The following NID1 variants were observed in gnomAD, a reference collection of about 807,000 sequenced individuals.
NID1 encodes the protein nidogen 1.
In NID1, 76 loss-of-function variants were observed where a neutral mutation model predicts 130.6. The ratio of observed to expected loss-of-function variants is 0.58; its 90% CI spans 0.48 to 0.70. The LOEUF is 0.70. Ranked by LOEUF, NID1 falls within the 30% of genes least tolerant of loss-of-function variation. The pLI is 0.00. For synonymous variants in NID1, 665 were observed against 675.1 expected (o/e 0.98, Z 0.23); for missense variants, 1,517 against 1,664.8 (o/e 0.91, Z 1.54).
chr1:236,000,130 CTT>C (rs1342600967), intron 12 of NID1, among the ~76,000 whole-genome samples: 1 of 152,168 alleles, frequency 6.6e-6, no homozygotes, highest in Non-Finnish European at 1.5e-5. Context: ...ACGAGAATCT[CTT>C]GAACCCAGGG....
Position 235,982,542 on chromosome 1 carries a change from T to C in NID1, c.3056-760A>G, listed in dbSNP as rs991642174. ...AAGGGGTACAAAGAAGGGGTGTCAG[T>C]GATTACAAATAACACCCCAGTCTTT... On this transcript the variant is annotated intron_variant, in intron 15 of 19. Coordinates refer to ENST00000264187, the MANE Select transcript of NID1 (RefSeq NM_002508.3). Among the ~76,000 whole-genome samples the C allele has an allele frequency of 1.2e-4, 18 of 152,280 alleles. No individual in the cohort carries two copies. In the East Asian group the frequency reaches 3.5e-3, roughly 29 times the overall value.
At position 236,042,173 on chromosome 1, in the gene NID1, T is replaced by C; in HGVS notation, c.872A>G (p.Asp291Gly). 1 of 1,613,988 alleles carries C rather than the reference T, an allele frequency of 6.2e-7. No individual in the cohort carries two copies. The highest frequency in any genetic ancestry group is 8.5e-7 in the Non-Finnish European group (1 of 1,180,000). ...LGTEDGAEYDDEDEDYDLATT... is the reference protein window; with the variant it reads ...LGTEDGAEYDGEDEDYDLATT... ...CGCCAGGTCATAATCTTCATCCTCA[T>C]CATCATACTCTGCCCCATCTTCAGT... is the stretch of plus-strand genomic sequence containing the variant. The change falls in exon 4 of 20, where the codon GAT becomes GGT. Residue 291 changes from aspartate (D) to glycine (G), a missense_variant. Physicochemically the swap from Asp to Gly is moderately conservative, Grantham distance 94. Around this residue, in one of 3 missense-constraint regions of NID1, gnomAD observed 1,329 missense variants for 1,429.2 expected, o/e 0.93. Coordinates refer to ENST00000264187, the MANE Select transcript of NID1 (RefSeq NM_002508.3).
chr1:236,024,031 G>T (rs755912370), intron 9 of NID1, 39 bp downstream of exon 9: 2 of 1,609,380 alleles, frequency 1.2e-6, no homozygotes, highest in East Asian at 4.5e-5. Context: ...CTCCTCGCCT[G>T]ATTTCCCAGC....
intron 12 of NID1, among the ~76,000 whole-genome samples, chr1:235,999,699 C>T (rs1477745798): frequency 6.6e-6 from 1 of 151,940 alleles, no homozygotes; most frequent in Non-Finnish European, 1.5e-5. Context: ...GGCAGGAAGT[C>T]TGGGGTGACT....
At position 235,993,499 on chromosome 1, in the gene NID1, A is replaced by T. The variant is rs542388096; in HGVS notation, c.2755+146T>A. On this transcript the variant is annotated intron_variant, in intron 13 of 19. Transcript: ENST00000264187. ...GGAGCGGGGTAAGTGAGAGGGAAGA[A>T]GGGTGCAGCAGGAGCGGGTGGGGCT... 28 of 697,600 alleles carry T rather than the reference A, an allele frequency of 4.0e-5. No individual in the cohort carries two copies. In the South Asian group the frequency reaches 5.2e-4, roughly 13 times the overall value. The allele number at this position is 697,600 out of a possible 1,614,324, so 43.2% of individuals were successfully genotyped here. A position where few individuals can be genotyped will look rare whatever the true frequency, so the allele number is the denominator to read the frequency against.
At chr1:236,012,082 C>T in intron 11 of NID1, 39 bp from the exon 12 acceptor site, 2 of 1,593,872 alleles carry the variant, frequency 1.3e-6, no homozygotes, top group South Asian at 1.1e-5. Context: ...AATGAGATTT[C>T]TTCTGGAATT....
intron 9 of NID1, among the ~76,000 whole-genome samples, chr1:236,023,176 T>G (rs1216731661): frequency 6.6e-6 from 1 of 152,132 alleles, no homozygotes; most frequent in Non-Finnish European, 1.5e-5. Context: ...CCCACGTTCA[T>G]AACAGCATTA....
Position 235,979,879 on chromosome 1 carries a change from T to C in NID1, c.3452A>G (p.Gln1151Arg). Residue 1151 changes from glutamine (Q) to arginine (R), a missense_variant, in exon 18 of 20, where the codon CAG (glutamine) becomes CGG (arginine). Coordinates refer to ENST00000264187, the MANE Select transcript of NID1 (RefSeq NM_002508.3). The surrounding 1 kb of genome is among the most constrained non-coding windows in gnomAD (Gnocchi z 4.6). ...GTAGCTCGTCACAGCAAAAGGATAC[T>C]GGAGCCCTTCGAGAGCCTTGCGTCT... ...PSRRKALEGL[Q>R]YPFAVTSYGK... is the part of the protein sequence containing the mutation. 6.2e-7 allele frequency: 1 copy of C among 1,614,152 alleles called. No homozygotes were observed. The highest frequency in any genetic ancestry group is 8.5e-7 in the Non-Finnish European group (1 of 1,179,984).
At chr1:236,058,413 T>C (rs1308844112) in intron 1 of NID1, among the ~76,000 whole-genome samples, 2 of 152,088 alleles carry the variant, frequency 1.3e-5, no homozygotes, top group Non-Finnish European at 2.9e-5. Context: ...GCATGTCAAT[T>C]AGATCACAAA....
chr1:236,026,666 C>T (rs1417750940), intron 7 of NID1, among the ~76,000 whole-genome samples: 1 of 152,090 alleles, frequency 6.6e-6, no homozygotes, highest in Non-Finnish European at 1.5e-5. Context: ...TGAGCATTTA[C>T]TCTGTCACAA....
chr1:236,061,513 C>A (rs1042318951), intron 1 of NID1, among the ~76,000 whole-genome samples: 1 of 152,058 alleles, frequency 6.6e-6, no homozygotes, highest in Non-Finnish European at 1.5e-5. Flanking sequence ...GTTTCCCAGG[C>A]TGAGTGCAAT....
intron 1 of NID1, among the ~76,000 whole-genome samples, chr1:236,060,025 A>C (rs931902801): frequency 6.7e-6 from 1 of 148,762 alleles, no homozygotes; most frequent in African/African-American, 2.5e-5. Context: ...GCTTGAACCC[A>C]GGAGGTGGAG....
chr1:236,038,183 C>G lies in NID1; in HGVS notation c.1206G>C (p.Glu402Asp). The change falls in exon 5 of 20, where the codon GAG becomes GAC. Residue 402 changes from glutamate (E) to aspartate (D), a missense_variant. Physicochemically the swap from Glu to Asp is conservative, Grantham distance 45. Transcript: ENST00000264187. ...NNRHQCSVHA[E>D]CRDYATGFCC... is the part of the protein sequence containing the mutation. ...AGAAGCCCGTGGCGTAGTCCCTGCA[C>G]TCTGCGTGCACCGAGCACTGGTGTC... The G allele has an allele frequency of 6.2e-7, 1 of 1,613,502 alleles. No homozygotes were observed. The highest frequency in any genetic ancestry group is 8.5e-7 in the Non-Finnish European group (1 of 1,179,498).
intron 16 of NID1, among the ~76,000 whole-genome samples, chr1:235,981,148 C>T (rs1657425031): frequency 6.6e-6 from 1 of 152,070 alleles, no homozygotes; most frequent in African/African-American, 2.4e-5. Flanking sequence ...GAACTAAGAG[C>T]CTGTTGTGTA....
At chr1:236,010,222 G>A (rs1484454214) in intron 12 of NID1, among the ~76,000 whole-genome samples, 1 of 151,804 alleles carries the variant, frequency 6.6e-6, no homozygotes, top group Non-Finnish European at 1.5e-5. Context: ...AGGAACAAAA[G>A]GTTGCCTTGC....
At chr1:236,037,062 C>T (rs974968063) in intron 5 of NID1, among the ~76,000 whole-genome samples, 1 of 152,116 alleles carries the variant, frequency 6.6e-6, no homozygotes, top group Admixed American at 6.6e-5. Context: ...ACCGAGTGAA[C>T]ATTACCAGGA....
At chr1:236,039,182 G>T (rs1659371668) in intron 4 of NID1, among the ~76,000 whole-genome samples, 1 of 143,338 alleles carries the variant, frequency 7.0e-6, no homozygotes, top group Non-Finnish European at 1.5e-5. Flanking sequence ...ATATTTATAT[G>T]TTATATAATA....
In NID1 at chr1:235,993,801, G is replaced by C. The variant is rs1241409932; in HGVS notation, c.2599C>G (p.Arg867Gly). 2 of 1,614,162 alleles carry C rather than the reference G, an allele frequency of 1.2e-6. No homozygotes were observed. The highest frequency in any genetic ancestry group is 2.2e-5 in the South Asian group (2 of 91,092). Residue 867 changes from arginine to glycine, a missense_variant, in exon 13 of 20, where the codon CGA becomes GGA. This residue lies in a region of NID1 where 1,329 missense variants were observed against 1,429.2 expected (regional missense o/e 0.93). Coordinates refer to ENST00000264187, the MANE Select transcript of NID1 (RefSeq NM_002508.3). ...LGAAGATDPQ[R>G]PIPPGLFVPE... ...ACGAACAGCCCCGGAGGAATGGGTC[G>C]CTGTGGGTCTGTCGCCCCCGCTGCC... is the stretch of plus-strand genomic sequence containing the variant.
chr1:236,032,154 T>C (rs1659117019), intron 6 of NID1, among the ~76,000 whole-genome samples: 1 of 152,198 alleles, frequency 6.6e-6, no homozygotes, highest in Non-Finnish European at 1.5e-5. Flanking sequence ...ACGAAATTGC[T>C]CCTCAATCAA....
Sources: allele counts gnomAD v4.1 joint callset (sites outside exome capture counted in the v4.1 genomes callset), GRCh38; gene constraint gnomAD v4.1.1; regional missense constraint gnomAD v4.1.1; non-coding constraint Gnocchi (gnomAD v3.1); transcripts MANE v1.5; gene names NCBI Gene and HGNC (gene_info 2026-07-23, HGNC 2026-07-21).